The following PFKFB3 variants were observed in gnomAD, a reference collection of about 807,000 sequenced individuals.
PFKFB3 encodes 6-phosphofructo-2-kinase/fructose-2,6-bisphosphatase 3.
Under a neutral mutation model 68.0 loss-of-function variants are expected in PFKFB3, and 33 were observed. The ratio of observed to expected loss-of-function variants is 0.49; its 90% CI spans 0.37 to 0.65. The LOEUF (loss-of-function observed/expected upper bound fraction) is 0.65, where lower values mean the gene tolerates loss of function less well. Ranked by LOEUF, PFKFB3 falls within the 30% of genes least tolerant of loss-of-function variation. The probability of loss-of-function intolerance (pLI) is 0.00; values close to 1 mark genes in which losing one functional copy is unlikely to be tolerated. For synonymous variants in PFKFB3, 315 were observed against 288.2 expected (o/e 1.09, Z -0.94); for missense variants, 586 against 712.2 (o/e 0.82, Z 2.02).
At chr10:6,204,955 G>C (rs1206772288) in intron 1 of PFKFB3, among the ~76,000 whole-genome samples, 3 of 152,172 alleles carry the variant, frequency 2.0e-5, no homozygotes, top group African/African-American at 7.2e-5. Flanking sequence ...GCTCAGTTGT[G>C]ATCTTGAGAA....
chr10:6,242,088 C>T (rs1445860580), intron 14 of PFKFB3, among the ~76,000 whole-genome samples: 1 of 152,040 alleles, frequency 6.6e-6, no homozygotes, highest in African/African-American at 2.4e-5. Flanking sequence ...AGTGATTCTT[C>T]CCGCCTCAGC....
At chr10:6,257,501 G>T (rs1436043859), downstream of PFKFB3, among the ~76,000 whole-genome samples, 1 of 152,172 alleles carries the variant, frequency 6.6e-6, no homozygotes, top group African/African-American at 2.4e-5. Flanking sequence ...ACCATGGTAG[G>T]GACTTGTAAG....
Position 6,223,001 on chromosome 10 carries a change from G to A in PFKFB3, c.1213+17G>A, listed in dbSNP as rs1230044712. The A allele has an allele frequency of 6.8e-6, 11 of 1,608,272 alleles. No individual in the cohort carries two copies. The highest frequency in any genetic ancestry group is 2.2e-5 in the East Asian group (1 of 44,664). ...AGAGTGCAGGTACCTCGGGCAGGTC[G>A]TGGCCCCGGGATGGAGGGAGGAGGG... On this transcript the variant is annotated intron_variant, in intron 11 of 14. Transcript: ENST00000379775.
the PFKFB3 span, among the ~76,000 whole-genome samples, chr10:6,291,555 C>CA: frequency 0.048 from 2,793 of 58,576 alleles, 79 homozygotes; most frequent in African/African-American, 0.13. Flanking sequence ...GACTCTGTCT[C>CA]AAAAAAAAAA....
the PFKFB3 span, among the ~76,000 whole-genome samples, chr10:6,272,422 G>T: frequency 6.6e-6 from 1 of 152,138 alleles, no homozygotes; most frequent in Non-Finnish European, 1.5e-5. Context: ...GGCTGGGCAC[G>T]GTGGCTCATG....
chr10:6,231,922 G>T (rs1433383999), intron 14 of PFKFB3, among the ~76,000 whole-genome samples: 1 of 152,062 alleles, frequency 6.6e-6, no homozygotes, highest in Admixed American at 6.5e-5. Flanking sequence ...CCCATCACCT[G>T]GGTTCCTGAG....
chr10:6,278,397 T>A, the PFKFB3 span, among the ~76,000 whole-genome samples: 1 of 151,692 alleles, frequency 6.6e-6, no homozygotes, highest in Admixed American at 6.6e-5. Context: ...TGCTGCAGCC[T>A]CCCGAGTAGC....
chr10:6,253,214 G>A (rs768348634), intron 14 of PFKFB3, among the ~76,000 whole-genome samples: 4 of 152,086 alleles, frequency 2.6e-5, no homozygotes, highest in Admixed American at 2.0e-4. Context: ...CACCATGCCC[G>A]GCCTATATTT....
At position 6,234,851 on chromosome 10, in the gene PFKFB3, A is replaced by G. The variant is rs1845941030; in HGVS notation, c.*1909A>G. ...TCTCCCCTCTGACTACCTAAAATCAATACCTAAATACAGAAGCCTTGGTCT... is the reference window on the plus strand; with the variant it reads ...TCTCCCCTCTGACTACCTAAAATCAGTACCTAAATACAGAAGCCTTGGTCT... On this transcript the variant is annotated 3_prime_UTR_variant, in exon 15 of 15. Coordinates refer to ENST00000379775, the MANE Select transcript of PFKFB3 (RefSeq NM_004566.4). The G allele has an allele frequency of 6.6e-6, 1 of 152,302 alleles. No homozygotes were observed. Among genetic ancestry groups the G allele is most frequent in the African/African-American group, 2.4e-5 (1 of 41,414 alleles). The allele number at this position is 152,302 out of a possible 1,614,324, so 9.4% of individuals were successfully genotyped here. A position where few individuals can be genotyped will look rare whatever the true frequency, so the allele number is the denominator to read the frequency against.
At chr10:6,158,681 C>A (rs1588394455) in intron 1 of PFKFB3, among the ~76,000 whole-genome samples, 1 of 152,128 alleles carries the variant, frequency 6.6e-6, no homozygotes, top group East Asian at 1.9e-4. Context: ...GCCTGGTCGA[C>A]ATGGTGAAAC....
intron 14 of PFKFB3, among the ~76,000 whole-genome samples, chr10:6,247,819 A>G (rs1258225211): frequency 1.3e-5 from 2 of 152,278 alleles, no homozygotes; most frequent in African/African-American, 4.8e-5. Context: ...CAAGTGTCCT[A>G]TTAGAATACC....
the PFKFB3 span, among the ~76,000 whole-genome samples, chr10:6,320,669 CCTGCCTCAGTTGCCCAA>C: frequency 2.0e-5 from 3 of 152,178 alleles, no homozygotes; most frequent in African/African-American, 7.2e-5. Context: ...AAGGGATCCT[CCTGCCTCAGTTGCCCAA>C]AGTGCTGCAA....
intron 1 of PFKFB3, among the ~76,000 whole-genome samples, chr10:6,177,028 G>A (rs1842493199): frequency 6.6e-6 from 1 of 152,174 alleles, no homozygotes; most frequent in Admixed American, 6.6e-5. Flanking sequence ...TGGGAGACGA[G>A]CTTCTTGCAC....
chr10:6,214,167 A>T (rs1438596429), intron 2 of PFKFB3, among the ~76,000 whole-genome samples: 1 of 152,216 alleles, frequency 6.6e-6, no homozygotes, highest in African/African-American at 2.4e-5. Flanking sequence ...ACCTGGCTGC[A>T]GGAGGTGAGT....
intron 8 of PFKFB3, 30 bp from the exon 9 acceptor site, chr10:6,221,351 A>G: frequency 6.2e-7 from 1 of 1,612,240 alleles, no homozygotes; most frequent in Non-Finnish European, 8.5e-7. Flanking sequence ...GGGCATCTGG[A>G]ATCAGTGGTC....
At chr10:6,294,609 A>G in the PFKFB3 span, 1 of 162,544 alleles carries the variant, frequency 6.2e-6, no homozygotes, top group Non-Finnish European at 1.3e-5. Flanking sequence ...GTGGGGACAT[A>G]GCCAAACCAT....
rs1246042204 is a variant in PFKFB3, at chr10:6,228,648, C to A, written c.1515+2283C>A. Among the ~76,000 whole-genome samples the A allele has an allele frequency of 6.6e-6, 1 of 151,828 alleles. No individual in the cohort carries two copies. The highest frequency in any genetic ancestry group is 1.5e-5 in the Non-Finnish European group (1 of 67,958). On this transcript the variant is annotated intron_variant, in intron 14 of 14. Transcript: ENST00000379775. This position sits in a 1 kb window ranked among gnomAD's most constrained non-coding sequence, Gnocchi z 4.5. ...AGTGTCCTTTGTTTTGGAAGGAAAA[C>A]TTACTCAGAGCCTAATCTGTAAACC...
chr10:6,242,066 T>G (rs7079255), intron 14 of PFKFB3, among the ~76,000 whole-genome samples: 73,051 of 151,792 alleles, frequency 0.48, 17,891 homozygotes, highest in African/African-American at 0.53. Context: ...GGCTGGTCTT[T>G]AACTGGCCTC....
At chr10:6,307,025 T>A in the PFKFB3 span, among the ~76,000 whole-genome samples, 5 of 152,196 alleles carry the variant, frequency 3.3e-5, no homozygotes, top group African/African-American at 9.7e-5. Context: ...CCCTCCCTGA[T>A]GTGGGTGGGC....
Sources: gnomAD v4.1 joint callset for allele counts (sites outside exome capture counted in the v4.1 genomes callset) on GRCh38, gnomAD v4.1.1 for gene constraint, Gnocchi (gnomAD v3.1) non-coding constraint, MANE v1.5 for transcripts, NCBI Gene and HGNC (gene_info 2026-07-23, HGNC 2026-07-21) for gene names.